The following SLC10A7 variants were observed in gnomAD, a reference collection of about 807,000 sequenced individuals.
The protein encoded by SLC10A7 is solute carrier family 10 member 7, also known as sodium/bile acid cotransporter 7.
A neutral mutation model predicts 43.2 loss-of-function variants in SLC10A7; 29 were observed. That is an observed-to-expected ratio of 0.67 (90% CI 0.50 to 0.92). The LOEUF is 0.92. Ranked by LOEUF, SLC10A7 falls within the 40% of genes least tolerant of loss-of-function variation. The pLI, the probability that SLC10A7 is intolerant of heterozygous loss-of-function variation, is 0.00. For synonymous variants in SLC10A7, 152 were observed against 144.8 expected, an observed-to-expected ratio of 1.05 and a Z score of -0.35; for missense variants, 295 against 403.2, an observed-to-expected ratio of 0.73 and a Z score of 2.30.
At chr4:146,401,769 C>T (rs1246869240) in intron 5 of SLC10A7, among the ~76,000 whole-genome samples, 5 of 151,970 alleles carry the variant, frequency 3.3e-5, no homozygotes, top group African/African-American at 1.2e-4. Context: ...TATATTAAAT[C>T]GAGAAGAAAT....
chr4:146,377,702 G>T (rs535780239), intron 5 of SLC10A7, among the ~76,000 whole-genome samples: 14 of 152,288 alleles, frequency 9.2e-5, no homozygotes, highest in Non-Finnish European at 1.8e-4. Context: ...AACAAAGAGG[G>T]TGTGCAGAGG....
chr4:146,312,622 G>A (rs909159713), intron 6 of SLC10A7, among the ~76,000 whole-genome samples: 30 of 152,104 alleles, frequency 2.0e-4, no homozygotes, highest in African/African-American at 7.0e-4. Flanking sequence ...CTTCTACTCT[G>A]TTTCTATGAG....
chr4:146,273,199 C>T (rs1185322778), intron 10 of SLC10A7, among the ~76,000 whole-genome samples: 2 of 152,164 alleles, frequency 1.3e-5, no homozygotes, highest in African/African-American at 4.8e-5. Context: ...TTTTTCATGT[C>T]TCCTTGCCAT....
chr4:146,399,173 G>A (rs1408524399), intron 5 of SLC10A7, among the ~76,000 whole-genome samples: 3 of 152,052 alleles, frequency 2.0e-5, no homozygotes, highest in African/African-American at 7.2e-5. Context: ...AGACACAGGG[G>A]GTGGCTAGTT....
chr4:146,338,850 A>T (rs1474025066), intron 5 of SLC10A7, among the ~76,000 whole-genome samples: 2 of 152,084 alleles, frequency 1.3e-5, no homozygotes, highest in Non-Finnish European at 2.9e-5. Flanking sequence ...CATAGATGAT[A>T]AAATTAGAAC....
At chr4:146,447,295 G>A (rs75687935) in intron 4 of SLC10A7, among the ~76,000 whole-genome samples, 1 of 152,008 alleles carries the variant, frequency 6.6e-6, no homozygotes, top group Non-Finnish European at 1.5e-5. Flanking sequence ...TTTTTGTAGA[G>A]ACAGGGTTTC....
intron 4 of SLC10A7, among the ~76,000 whole-genome samples, chr4:146,473,081 G>C (rs905774382): frequency 1.3e-5 from 2 of 152,162 alleles, no homozygotes; most frequent in Admixed American, 1.3e-4. Context: ...AAAAGTGAGG[G>C]TACTCCTATA....
intron 5 of SLC10A7, among the ~76,000 whole-genome samples, chr4:146,408,083 G>C (rs1727865308): frequency 6.6e-6 from 1 of 152,196 alleles, no homozygotes; most frequent in Admixed American, 6.5e-5. Flanking sequence ...ATTAGGGAAA[G>C]TCAGCTGAGA....
At chr4:146,462,682 G>A (rs1033520739) in intron 4 of SLC10A7, among the ~76,000 whole-genome samples, 4 of 152,080 alleles carry the variant, frequency 2.6e-5, no homozygotes, top group African/African-American at 9.7e-5. Flanking sequence ...TTATCCTTCC[G>A]TTAGTGACTG....
intron 5 of SLC10A7, among the ~76,000 whole-genome samples, chr4:146,367,152 T>C (rs2149772614): frequency 6.6e-6 from 1 of 152,304 alleles, no homozygotes; most frequent in East Asian, 1.9e-4. Flanking sequence ...AATACCAAAA[T>C]TCTCACATTA....
At chr4:146,272,431 C>T (rs1728953176) in intron 10 of SLC10A7, among the ~76,000 whole-genome samples, 1 of 152,120 alleles carries the variant, frequency 6.6e-6, no homozygotes, top group African/African-American at 2.4e-5. Flanking sequence ...ACTTTAATTT[C>T]TGGCTGGAGT....
intron 9 of SLC10A7, among the ~76,000 whole-genome samples, chr4:146,288,596 T>C (rs962817301): frequency 2.0e-5 from 3 of 152,146 alleles, no homozygotes; most frequent in Admixed American, 6.5e-5. Flanking sequence ...AATCCACCCT[T>C]AGCCATACTC....
chr4:146,403,651 A>G (rs925585577), intron 5 of SLC10A7, among the ~76,000 whole-genome samples: 7 of 152,184 alleles, frequency 4.6e-5, no homozygotes, highest in Non-Finnish European at 1.0e-4. Flanking sequence ...TTTGACATAA[A>G]TTCCTAAAAA....
At chr4:146,274,600 C>T (rs758680737) in intron 10 of SLC10A7, among the ~76,000 whole-genome samples, 5 of 152,038 alleles carry the variant, frequency 3.3e-5, no homozygotes, top group Non-Finnish European at 5.9e-5. Context: ...AAAGGACATT[C>T]GAAGTTAGGC....
intron 5 of SLC10A7, among the ~76,000 whole-genome samples, chr4:146,349,606 A>C (rs1005652196): frequency 1.3e-5 from 2 of 152,222 alleles, no homozygotes; most frequent in African/African-American, 4.8e-5. Flanking sequence ...CATGGAATCA[A>C]TCTAGGTGTT....
intron 5 of SLC10A7, among the ~76,000 whole-genome samples, chr4:146,435,131 C>T (rs1439216465): frequency 2.0e-5 from 3 of 152,074 alleles, no homozygotes; most frequent in Non-Finnish European, 2.9e-5. Context: ...TAAATCTAGG[C>T]TTAAAAAATG....
intron 6 of SLC10A7, among the ~76,000 whole-genome samples, chr4:146,320,046 G>GA (rs1165720664): frequency 6.6e-6 from 1 of 152,006 alleles, no homozygotes; most frequent in Non-Finnish European, 1.5e-5. Context: ...TACTTGATAT[G>GA]AAAAAAGAGG....
chr4:146,468,473 A>ATTTT (rs368637891), intron 4 of SLC10A7, among the ~76,000 whole-genome samples: 3 of 143,582 alleles, frequency 2.1e-5, no homozygotes, highest in Admixed American at 6.9e-5. Flanking sequence ...TTATATTTTA[A>ATTTT]TTTTTTTTTT....
rs190746721 is a variant in SLC10A7 at position 146,483,787 on chromosome 4, T to A, written c.396+20062A>T. 2.6e-5 allele frequency among the ~76,000 whole-genome samples: 4 copies of A among 152,274 alleles called. No individual in the cohort carries two copies. In the East Asian group the frequency reaches 5.8e-4, roughly 22 times the overall value. On this transcript the variant is annotated intron_variant, in intron 4 of 11. Coordinates refer to ENST00000335472, the MANE Select transcript of SLC10A7 (RefSeq NM_001029998.6). ...AAGTAAAATGATAGAAGATATTCCA[T>A]ATAAATGGTAACCAAAAAAGAGCAG...
Sources: allele counts gnomAD v4.1 joint callset (sites outside exome capture counted in the v4.1 genomes callset), GRCh38; gene constraint gnomAD v4.1.1; transcripts MANE v1.5; gene names NCBI Gene and HGNC (gene_info 2026-07-23, HGNC 2026-07-21).